RASGEF1C: variants seen among roughly 807,000 people sequenced by gnomAD.
RASGEF1C encodes RasGEF domain family member 1C, also known as ras-GEF domain-containing family member 1C.
Under a neutral mutation model 58.1 loss-of-function variants are expected in RASGEF1C, and 27 were observed. That is an observed-to-expected ratio of 0.46 (90% CI 0.34 to 0.64). RASGEF1C has a LOEUF of 0.64. Among genes scored for constraint, RASGEF1C ranks in the 30% least tolerant of loss-of-function variants. The probability of loss-of-function intolerance (pLI) is 0.01; values close to 1 mark genes in which losing one functional copy is unlikely to be tolerated. For missense variants in RASGEF1C, 502 were observed against 605.1 expected, an observed-to-expected ratio of 0.83 and a Z score of 1.79; for synonymous variants, 243 against 246.3, an observed-to-expected ratio of 0.99 and a Z score of 0.13.
At chr5:180,107,251 T>A (rs1272052469) in intron 12 of RASGEF1C, among the ~76,000 whole-genome samples, 4 of 152,232 alleles carry the variant, frequency 2.6e-5, no homozygotes, top group African/African-American at 9.6e-5. Flanking sequence ...TTTAGACCAT[T>A]TACATTTAAT....
chr5:180,143,978 C>T lies in RASGEF1C; in HGVS notation c.-6-5920G>A, dbSNP rs931516337. 1.3e-5 allele frequency among the ~76,000 whole-genome samples: 2 copies of T among 152,274 alleles called. No homozygotes were observed. Among genetic ancestry groups the T allele is most frequent in the African/African-American group, 4.8e-5 (2 of 41,558 alleles). ...CTCCCGAAGGCCCCTGTGAGGACCA[C>T]GCGCGTGTCTCAGGAAGACACCTGT... On this transcript the variant is annotated intron_variant, in intron 1 of 13. Transcript: ENST00000361132. The surrounding 1 kb of genome is among the most constrained non-coding windows in gnomAD (Gnocchi z 4.3).
intron 1 of RASGEF1C, among the ~76,000 whole-genome samples, chr5:180,141,018 C>T (rs987987619): frequency 5.9e-5 from 9 of 152,148 alleles, no homozygotes; most frequent in African/African-American, 1.2e-4. Flanking sequence ...AGCCATGTAA[C>T]GAGGGTCCCT....
intron 1 of RASGEF1C, among the ~76,000 whole-genome samples, chr5:180,202,528 C>T (rs893693778): frequency 4.6e-5 from 7 of 152,090 alleles, no homozygotes; most frequent in African/African-American, 1.7e-4. Context: ...GAAAGAAAGG[C>T]ATGTTTATAT....
intron 1 of RASGEF1C, among the ~76,000 whole-genome samples, chr5:180,183,893 C>T (rs1408102438): frequency 1.3e-5 from 2 of 151,800 alleles, no homozygotes; most frequent in Non-Finnish European, 2.9e-5. Flanking sequence ...AACAGCCGGC[C>T]GGGTGTGATG....
At chr5:180,192,249 G>A (rs1375476954) in intron 1 of RASGEF1C, among the ~76,000 whole-genome samples, 2 of 152,100 alleles carry the variant, frequency 1.3e-5, no homozygotes, top group African/African-American at 2.4e-5. Context: ...TTGGGGCCAC[G>A]TTGGAACCCA....
chr5:180,112,729 G>T (rs537773673), intron 11 of RASGEF1C, among the ~76,000 whole-genome samples: 1 of 152,256 alleles, frequency 6.6e-6, no homozygotes, highest in African/African-American at 2.4e-5. Context: ...TCACAGCTAC[G>T]CCGAGACACG....
In RASGEF1C at chr5:180,177,025, C is replaced by G. The variant is rs1054058350; in HGVS notation, c.-7+32003G>C. 1.3e-4 allele frequency among the ~76,000 whole-genome samples: 20 copies of G among 152,154 alleles called. No homozygotes were observed. Among genetic ancestry groups the G allele is most frequent in the African/African-American group, 4.8e-4 (20 of 41,448 alleles). ...GGCCTGGCCTCCAACTCCCACCCAA[C>G]CTTGGTCAACCTCCCAGAGGAGAGG... On this transcript the variant is annotated intron_variant, in intron 1 of 13. Transcript: ENST00000361132. The surrounding 1 kb of genome is among the most constrained non-coding windows in gnomAD (Gnocchi z 5.0).
rs545435295 is a variant in RASGEF1C, at chr5:180,151,054, A to G, written c.-6-12996T>C. Among the ~76,000 whole-genome samples the G allele has an allele frequency of 4.8e-4, 73 of 150,786 alleles. No individual in the cohort carries two copies. The East Asian group carries it at 8.3e-3, about 17-fold the overall frequency. ...AAGGAGAACTACAAACCACTGCTCA[A>G]TGAAATAAAAGAGGATACAAACAAA... On this transcript the variant is annotated intron_variant, in intron 1 of 13. Transcript: ENST00000361132.
At chr5:180,135,929 T>C (rs1249053673) in intron 4 of RASGEF1C, among the ~76,000 whole-genome samples, 2 of 152,228 alleles carry the variant, frequency 1.3e-5, no homozygotes, top group Admixed American at 6.5e-5. Flanking sequence ...TTTTTGTTCA[T>C]CCTGTAGACA....
chr5:180,133,136 C>T (rs1403614890), intron 4 of RASGEF1C, among the ~76,000 whole-genome samples: 2 of 152,166 alleles, frequency 1.3e-5, no homozygotes, highest in Non-Finnish European at 2.9e-5. Context: ...CTAACTACTG[C>T]GTCCAACCTA....
At chr5:180,130,528 C>T (rs1034910948) in intron 4 of RASGEF1C, among the ~76,000 whole-genome samples, 11 of 152,216 alleles carry the variant, frequency 7.2e-5, no homozygotes, top group Admixed American at 3.3e-4. Context: ...TGTTTCGTCT[C>T]CTCACCCCCA....
Position 180,128,581 on chromosome 5 carries a change from T to C in RASGEF1C, c.468A>G (p.Leu156=), listed in dbSNP as rs1766305770. ...EAYRKRMHQL[L]QALHQKLAAL... ...CCGCCAGCTTCTGGTGCAGAGCCTG[T>C]AGGAGCTGATGCATCCTCTTCCGGT... The change falls in exon 5 of 14, where the codon CTA becomes CTG. Residue 156 remains leucine (L), a synonymous_variant. Transcript: ENST00000361132. 6.2e-7 allele frequency: 1 copy of C among 1,613,906 alleles called. No homozygotes were observed. Among genetic ancestry groups the C allele is most frequent in the Non-Finnish European group, 8.5e-7 (1 of 1,180,028 alleles).
At chr5:180,174,604 A>G (rs1767188559) in intron 1 of RASGEF1C, among the ~76,000 whole-genome samples, 1 of 112,604 alleles carries the variant, frequency 8.9e-6, no homozygotes, top group African/African-American at 3.4e-5. Context: ...GTGTGTGTGC[A>G]CGCATGTGTG....
intron 1 of RASGEF1C, among the ~76,000 whole-genome samples, chr5:180,160,096 G>A (rs1040433805): frequency 5.3e-5 from 8 of 152,142 alleles, no homozygotes; most frequent in African/African-American, 1.2e-4. Flanking sequence ...TTTATCCCAC[G>A]GAAGGTGCAC....
chr5:180,121,674 CACACACA>C (rs796985413), intron 6 of RASGEF1C, among the ~76,000 whole-genome samples: 10,629 of 52,434 alleles, frequency 0.2, 474 homozygotes, highest in East Asian at 0.43. Context: ...CACACACACA[CACACACA>C]CCCTCATTAT....
chr5:180,123,025 T>TA (rs917416875), intron 6 of RASGEF1C, among the ~76,000 whole-genome samples: 4 of 151,566 alleles, frequency 2.6e-5, no homozygotes, highest in Non-Finnish European at 5.9e-5. Context: ...AGGATATAAG[T>TA]AAAAAAAAGA....
chr5:180,180,418 A>C (rs11249677), intron 1 of RASGEF1C, among the ~76,000 whole-genome samples: 18,059 of 152,272 alleles, frequency 0.12, 1,120 homozygotes, highest in Middle Eastern at 0.19. Context: ...CAGAAGACAA[A>C]CTGGCCGGTG....
At chr5:180,135,854 T>C (rs1766462720) in intron 4 of RASGEF1C, among the ~76,000 whole-genome samples, 1 of 152,234 alleles carries the variant, frequency 6.6e-6, no homozygotes, top group African/African-American at 2.4e-5. Flanking sequence ...AGCTTACCCG[T>C]GGAGGCAGAG....
intron 1 of RASGEF1C, among the ~76,000 whole-genome samples, chr5:180,193,585 C>G (rs377493697): frequency 2.6e-4 from 40 of 152,248 alleles, no homozygotes; most frequent in East Asian, 2.5e-3. Flanking sequence ...CACAAACCAA[C>G]AGAGTGAAGA....
Sources: allele counts gnomAD v4.1 joint callset (sites outside exome capture counted in the v4.1 genomes callset), GRCh38; gene constraint gnomAD v4.1.1; non-coding constraint Gnocchi (gnomAD v3.1); transcripts MANE v1.5; gene names NCBI Gene and HGNC (gene_info 2026-07-23, HGNC 2026-07-21).